SLC2A9: variants seen among roughly 807,000 people sequenced by gnomAD.
SLC2A9 encodes solute carrier family 2 member 9, also known as solute carrier family 2, facilitated glucose transporter member 9.
Under a neutral mutation model 50.6 loss-of-function variants are expected in SLC2A9, and 39 were observed. That is an observed-to-expected ratio of 0.77 (90% CI 0.60 to 1.01). The LOEUF is 1.01. Ranked by LOEUF, SLC2A9 falls within the 50% of genes least tolerant of loss-of-function variation. The probability of loss-of-function intolerance (pLI) is 0.00; values close to 1 mark genes in which losing one functional copy is unlikely to be tolerated. For missense variants in SLC2A9, 686 were observed against 677.6 expected (o/e 1.01, Z -0.14); for synonymous variants, 324 against 276.9 (o/e 1.17, Z -1.69).
At chr4:10,012,277 G>A (rs1360095257) in intron 2 of SLC2A9, among the ~76,000 whole-genome samples, 1 of 152,212 alleles carries the variant, frequency 6.6e-6, no homozygotes, top group Non-Finnish European at 1.5e-5. Context: ...CCCCATCTGT[G>A]AACATGGTGG....
chr4:9,886,522 C>T (rs1736298035), intron 10 of SLC2A9, among the ~76,000 whole-genome samples: 1 of 151,750 alleles, frequency 6.6e-6, no homozygotes, highest in African/African-American at 2.4e-5. Context: ...CATTCCATGG[C>T]CCACCTTGCC....
chr4:9,948,252 G>A (rs1287136517), intron 5 of SLC2A9, among the ~76,000 whole-genome samples: 4 of 152,182 alleles, frequency 2.6e-5, no homozygotes, highest in Middle Eastern at 3.4e-3. Flanking sequence ...AGTGATTCTT[G>A]AACTTGGCTG....
intron 5 of SLC2A9, among the ~76,000 whole-genome samples, chr4:9,966,670 C>T (rs1753104185): frequency 6.6e-6 from 1 of 152,098 alleles, no homozygotes; most frequent in Admixed American, 6.5e-5. Flanking sequence ...CAAACAAACA[C>T]TGGAAACAAT....
intron 7 of SLC2A9, among the ~76,000 whole-genome samples, chr4:9,917,325 CTTTTTTTTTTT>C (rs55927201): frequency 1.2e-5 from 1 of 81,798 alleles, no homozygotes; most frequent in Non-Finnish European, 2.1e-5. Flanking sequence ...TTCTTTTTTC[CTTTTTTTTTTT>C]TTTTTTTTTT....
intron 2 of SLC2A9, 32 bp from the exon 3 acceptor site, chr4:9,996,973 T>G: frequency 1.2e-6 from 2 of 1,612,360 alleles, no homozygotes; most frequent in East Asian, 4.5e-5. Flanking sequence ...TGTTATTTCC[T>G]TCTGTTCTCT....
intron 10 of SLC2A9, among the ~76,000 whole-genome samples, chr4:9,886,989 A>G (rs957433647): frequency 1.6e-4 from 24 of 152,200 alleles, no homozygotes; most frequent in African/African-American, 5.5e-4. Flanking sequence ...TGAGGCTGGG[A>G]TACTCCAGCT....
intron 3 of SLC2A9, among the ~76,000 whole-genome samples, chr4:9,819,570 G>T (rs1724118698): frequency 6.6e-6 from 1 of 152,162 alleles, no homozygotes; most frequent in African/African-American, 2.4e-5. Context: ...TTCTTTGGTG[G>T]ATATGTGTGT....
At chr4:9,954,180 C>A (rs1750802944) in intron 5 of SLC2A9, among the ~76,000 whole-genome samples, 2 of 152,230 alleles carry the variant, frequency 1.3e-5, no homozygotes, top group African/African-American at 4.8e-5. Flanking sequence ...TCAAGAGATC[C>A]ACTTGCCTTG....
At chr4:9,995,261 T>G (rs142268943) in intron 3 of SLC2A9, among the ~76,000 whole-genome samples, 39 of 152,248 alleles carry the variant, frequency 2.6e-4, no homozygotes, top group Non-Finnish European at 5.1e-4. Flanking sequence ...CATGCAGTAG[T>G]TGTATTTCCA....
intron 6 of SLC2A9, among the ~76,000 whole-genome samples, chr4:9,939,113 C>T (rs535352036): frequency 3.9e-5 from 6 of 152,270 alleles, no homozygotes; most frequent in Admixed American, 1.3e-4. Flanking sequence ...TTAGAGAAAA[C>T]GCTTGTGTTT....
rs928487575 is a variant in SLC2A9, at chr4:9,947,929, G to A, written c.682-5884C>T. On this transcript the variant is annotated intron_variant, in intron 5 of 11. Coordinates refer to ENST00000264784, the MANE Select transcript of SLC2A9 (RefSeq NM_020041.3). ...GCTTCCCTGCGTGGTCCTGCATGGC[G>A]TGGTATGTCCCCTCCTCTAGGGAAC... Among the ~76,000 whole-genome samples the A allele has an allele frequency of 3.9e-5, 6 of 152,166 alleles. No individual in the cohort carries two copies. The East Asian group carries it at 5.8e-4, about 15-fold the overall frequency.
At chr4:9,946,834 A>T (rs1215324063) in intron 5 of SLC2A9, among the ~76,000 whole-genome samples, 1 of 152,172 alleles carries the variant, frequency 6.6e-6, no homozygotes, top group African/African-American at 2.4e-5. Flanking sequence ...GCCCCATTCT[A>T]GGGGCTCATG....
intron 1 of SLC2A9, among the ~76,000 whole-genome samples, chr4:10,033,725 T>C (rs1764007566): frequency 6.6e-6 from 1 of 152,148 alleles, no homozygotes; most frequent in South Asian, 2.1e-4. Context: ...CAGCAACACC[T>C]GCAGCTGCCT....
intron 7 of SLC2A9, among the ~76,000 whole-genome samples, chr4:9,919,729 A>G (rs756506256): frequency 2.8e-4 from 42 of 152,336 alleles, no homozygotes; most frequent in Non-Finnish European, 4.0e-4. Flanking sequence ...GCACACTTCC[A>G]TAGATGGGGA....
chr4:9,911,969 A>G lies in SLC2A9; in HGVS notation c.1003-3624T>C, dbSNP rs995939823. Among the ~76,000 whole-genome samples the G allele has an allele frequency of 4.6e-5, 7 of 152,296 alleles. No individual in the cohort carries two copies. The East Asian group carries it at 1.4e-3, about 29-fold the overall frequency. Reference sequence around the variant, plus strand: ...GGAATACTATGCAGCCATAAAAAATAATGAGTTCATGTCCTTTGTAGGGAC... The same window carrying G: ...GGAATACTATGCAGCCATAAAAAATGATGAGTTCATGTCCTTTGTAGGGAC... On this transcript the variant is annotated intron_variant, in intron 7 of 11. Coordinates refer to ENST00000264784, the MANE Select transcript of SLC2A9 (RefSeq NM_020041.3).
chr4:9,931,217 TC>T (rs374747964), intron 6 of SLC2A9, among the ~76,000 whole-genome samples: 2 of 152,310 alleles, frequency 1.3e-5, no homozygotes, highest in African/African-American at 4.8e-5. Flanking sequence ...CCCCACATTC[TC>T]CCTTCAATTT....
intron 10 of SLC2A9, among the ~76,000 whole-genome samples, chr4:9,852,616 T>A (rs547268795): frequency 6.6e-6 from 1 of 152,266 alleles, no homozygotes; most frequent in African/African-American, 2.4e-5. Context: ...CTAAGCTTCA[T>A]AAACAAAGGA....
intron 2 of SLC2A9, among the ~76,000 whole-genome samples, chr4:10,018,113 C>T (rs969097330): frequency 6.6e-6 from 1 of 152,222 alleles, no homozygotes. Flanking sequence ...CAGTACCCAA[C>T]CTTTAACTGC....
chr4:9,794,745 A>G (rs1259113969), downstream of SLC2A9, among the ~76,000 whole-genome samples: 1 of 152,192 alleles, frequency 6.6e-6, no homozygotes, highest in East Asian at 1.9e-4. Context: ...GGTTCTCATC[A>G]TGGTCTCTGC....
Sources: gnomAD v4.1 joint callset for allele counts (sites outside exome capture counted in the v4.1 genomes callset) on GRCh38, gnomAD v4.1.1 for gene constraint, MANE v1.5 for transcripts, NCBI Gene and HGNC (gene_info 2026-07-23, HGNC 2026-07-21) for gene names.